KCNIP4: variants seen among roughly 807,000 people sequenced by gnomAD.
KCNIP4 encodes potassium voltage-gated channel interacting protein 4.
In KCNIP4, 12 loss-of-function variants were observed where a neutral mutation model predicts 34.0. That is an observed-to-expected ratio of 0.35 (90% CI 0.23 to 0.57). KCNIP4 has a LOEUF of 0.57. KCNIP4 is among the 20% of genes least tolerant of loss of function. The pLI, the probability that KCNIP4 is intolerant of heterozygous loss-of-function variation, is 0.83. For synonymous variants in KCNIP4, 124 were observed against 102.2 expected, an observed-to-expected ratio of 1.21 and a Z score of -1.29; for missense variants, 238 against 311.7, an observed-to-expected ratio of 0.76 and a Z score of 1.78.
intron 1 of KCNIP4, among the ~76,000 whole-genome samples, chr4:21,897,080 G>A (rs1036658374): frequency 1.9e-4 from 29 of 151,906 alleles, no homozygotes; most frequent in Non-Finnish European, 3.7e-4. Flanking sequence ...CCTCTCTTTG[G>A]TGGTATTTTT....
At chr4:21,834,479 AAGG>A (rs1316720108) in intron 1 of KCNIP4, among the ~76,000 whole-genome samples, 87 of 152,286 alleles carry the variant, frequency 5.7e-4, no homozygotes, top group Admixed American at 8.5e-4. Context: ...TTATCAGCTT[AAGG>A]AGATTTTGGG....
chr4:21,923,445 G>A (rs1729055693), intron 1 of KCNIP4, among the ~76,000 whole-genome samples: 1 of 152,226 alleles, frequency 6.6e-6, no homozygotes, highest in South Asian at 2.1e-4. Flanking sequence ...AGCCGGAGTG[G>A]TGGTACATGC....
intron 1 of KCNIP4, among the ~76,000 whole-genome samples, chr4:21,564,473 G>A (rs1167735246): frequency 6.6e-6 from 1 of 152,102 alleles, no homozygotes; most frequent in African/African-American, 2.4e-5. Flanking sequence ...GATCATAAGT[G>A]GGGGACCTTC....
intron 1 of KCNIP4, among the ~76,000 whole-genome samples, chr4:21,810,689 CAAAAAAAAAAAAAA>C (rs397992521): frequency 3.7e-5 from 4 of 107,568 alleles, no homozygotes; most frequent in Non-Finnish European, 7.4e-5. Context: ...GACTCCGTCT[CAAAAAAAAAAAAAA>C]AAAAAAAAAA....
At chr4:21,593,742 A>G (rs1742403990) in intron 1 of KCNIP4, among the ~76,000 whole-genome samples, 1 of 152,132 alleles carries the variant, frequency 6.6e-6, no homozygotes. Flanking sequence ...AAGTGCACCT[A>G]TACCAAGACC....
In KCNIP4 at chr4:20,914,163, G is replaced by GA. The variant is rs962024459; in HGVS notation, c.62-31455dup. 6.0e-4 allele frequency among the ~76,000 whole-genome samples: 86 copies of GA among 142,330 alleles called. 1 individual carries two copies. The highest frequency in any genetic ancestry group is 7.1e-3 in the Middle Eastern group (2 of 280). The allele number at this position is 142,330 out of a possible 152,430, so 93.4% of individuals were successfully genotyped here. A position where few individuals can be genotyped will look rare whatever the true frequency, so the allele number is the denominator to read the frequency against. ...TAAGAGCGAAACTCTGTCTCAAAAA[G>GA]AAAAAAAAAAGAAAAGAAACAGTAC... On this transcript the variant is annotated intron_variant, in intron 1 of 8. Transcript: ENST00000382152.
At chr4:21,867,003 C>T (rs2109359713) in intron 1 of KCNIP4, among the ~76,000 whole-genome samples, 1 of 152,144 alleles carries the variant, frequency 6.6e-6, no homozygotes, top group African/African-American at 2.4e-5. Flanking sequence ...GATCTCCTGA[C>T]CTTGTGATCC....
chr4:20,988,397 C>T (rs1466656619), intron 1 of KCNIP4, among the ~76,000 whole-genome samples: 1 of 152,146 alleles, frequency 6.6e-6, no homozygotes, highest in Non-Finnish European at 1.5e-5. Context: ...CATTTCCTTG[C>T]CCCAATCCAT....
chr4:21,747,878 G>A (rs1280273199), intron 1 of KCNIP4, among the ~76,000 whole-genome samples: 2 of 151,988 alleles, frequency 1.3e-5, no homozygotes, highest in African/African-American at 2.4e-5. Flanking sequence ...TAAATGCAAT[G>A]AAAGTGTTTT....
chr4:21,609,544 C>CT (rs1743987708), intron 1 of KCNIP4, among the ~76,000 whole-genome samples: 2 of 152,086 alleles, frequency 1.3e-5, no homozygotes, highest in African/African-American at 4.8e-5. Context: ...AATTCAGACA[C>CT]CTCTGAAGAT....
At chr4:21,731,863 T>G (rs192757868) in intron 1 of KCNIP4, among the ~76,000 whole-genome samples, 1 of 152,066 alleles carries the variant, frequency 6.6e-6, no homozygotes, top group African/African-American at 2.4e-5. Context: ...GCTAAATACA[T>G]ATGGACCTCC....
chr4:21,541,413 G>GC (rs529927886), intron 1 of KCNIP4, among the ~76,000 whole-genome samples: 122 of 152,088 alleles, frequency 8.0e-4, no homozygotes, highest in Middle Eastern at 3.4e-3. Context: ...GTTTATTCTA[G>GC]TCTTAAACTT....
chr4:20,731,961 T>TAATACTCA, intron 8 of KCNIP4, 45 bp downstream of exon 8: 1 of 1,610,000 alleles, frequency 6.2e-7, no homozygotes, highest in Non-Finnish European at 8.5e-7. Flanking sequence ...TCAGTTTAGC[T>TAATACTCA]GTTATGATAG....
At chr4:21,059,294 G>C (rs1333984328) in intron 1 of KCNIP4, among the ~76,000 whole-genome samples, 2 of 152,122 alleles carry the variant, frequency 1.3e-5, no homozygotes, top group East Asian at 3.9e-4. Context: ...CCCTCTTCCA[G>C]TGACGTTAAT....
intron 1 of KCNIP4, among the ~76,000 whole-genome samples, chr4:21,278,322 A>AGTTATTT (rs1762561794): frequency 6.6e-6 from 1 of 152,116 alleles, no homozygotes; most frequent in South Asian, 2.1e-4. Flanking sequence ...AGTACCCAAT[A>AGTTATTT]GTTATTTGTT....
chr4:21,285,721 A>G (rs1330413984), intron 1 of KCNIP4, among the ~76,000 whole-genome samples: 1 of 152,080 alleles, frequency 6.6e-6, no homozygotes, highest in African/African-American at 2.4e-5. Context: ...GGTGTCTGTA[A>G]TCCCAGCTAC....
At chr4:20,947,494 C>T (rs547403112) in intron 1 of KCNIP4, among the ~76,000 whole-genome samples, 6 of 152,302 alleles carry the variant, frequency 3.9e-5, no homozygotes, top group African/African-American at 9.6e-5. Flanking sequence ...TAAGCCCTCA[C>T]CAATCACTCG....
At chr4:21,092,320 G>T (rs1747067028) in intron 1 of KCNIP4, among the ~76,000 whole-genome samples, 1 of 151,566 alleles carries the variant, frequency 6.6e-6, no homozygotes, top group South Asian at 2.1e-4. Context: ...CAAAGATGGA[G>T]AATTAAAGAA....
intron 1 of KCNIP4, among the ~76,000 whole-genome samples, chr4:21,138,885 G>A (rs957084945): frequency 6.6e-5 from 10 of 152,160 alleles, no homozygotes; most frequent in Admixed American, 4.6e-4. Flanking sequence ...AAGGCAAGAC[G>A]GATTCTCCCC....
Sources: gnomAD v4.1 joint callset for allele counts (sites outside exome capture counted in the v4.1 genomes callset) on GRCh38, gnomAD v4.1.1 for gene constraint, MANE v1.5 for transcripts, NCBI Gene and HGNC (gene_info 2026-07-23, HGNC 2026-07-21) for gene names.